The following BABAM2 variants were observed in gnomAD, a reference collection of about 807,000 sequenced individuals.
The protein encoded by BABAM2 is BRISC and BRCA1 A complex member 2, also known as BRISC and BRCA1-A complex member 2.
A neutral mutation model predicts 54.7 loss-of-function variants in BABAM2; 31 were observed. The observed-to-expected ratio is 0.57, with a 90% confidence interval of 0.43 to 0.77. BABAM2 has a LOEUF of 0.77. Ranked by LOEUF, BABAM2 falls within the 30% of genes least tolerant of loss-of-function variation. The probability of loss-of-function intolerance (pLI) is 0.00; values close to 1 mark genes in which losing one functional copy is unlikely to be tolerated. For missense variants in BABAM2, 364 were observed against 455.8 expected, an observed-to-expected ratio of 0.80 and a Z score of 1.83; for synonymous variants, 167 against 162.9, an observed-to-expected ratio of 1.03 and a Z score of -0.19.
chr2:28,210,150 G>GAAA (rs1023495623), intron 7 of BABAM2, among the ~76,000 whole-genome samples: 3 of 152,124 alleles, frequency 2.0e-5, no homozygotes, highest in Non-Finnish European at 4.4e-5. Flanking sequence ...TTGGCCTCTT[G>GAAA]AAAAAGAACA....
At chr2:28,175,956 A>G (rs1182940925) in intron 7 of BABAM2, among the ~76,000 whole-genome samples, 1 of 152,200 alleles carries the variant, frequency 6.6e-6, no homozygotes, top group Non-Finnish European at 1.5e-5. Flanking sequence ...AAGATCACAA[A>G]TACCACTGAC....
chr2:28,264,578 G>A (rs1411310754), intron 10 of BABAM2, among the ~76,000 whole-genome samples: 1 of 152,116 alleles, frequency 6.6e-6, no homozygotes, highest in African/African-American at 2.4e-5. Flanking sequence ...GAATGGAGTG[G>A]GCCAAAACCG....
At chr2:28,106,751 T>C (rs1667562392) in intron 6 of BABAM2, among the ~76,000 whole-genome samples, 1 of 152,220 alleles carries the variant, frequency 6.6e-6, no homozygotes, top group African/African-American at 2.4e-5. Flanking sequence ...TTGTCATTGG[T>C]ATTTTGGGAA....
At chr2:27,894,470 G>A in intron 1 of BABAM2, 63 bp from the exon 2 acceptor site, 1 of 1,492,974 alleles carries the variant, frequency 6.7e-7, no homozygotes, top group Non-Finnish European at 9.3e-7. Flanking sequence ...CCAGTTTTCA[G>A]GCAGAGTGTT....
chr2:28,207,032 T>C (rs550301557), intron 7 of BABAM2, among the ~76,000 whole-genome samples: 12 of 152,310 alleles, frequency 7.9e-5, no homozygotes, highest in Middle Eastern at 6.8e-3. Context: ...GTGAGGTAGG[T>C]ACTGTTACTA....
chr2:28,001,583 C>G (rs1374247527), intron 4 of BABAM2, among the ~76,000 whole-genome samples: 1 of 152,084 alleles, frequency 6.6e-6, no homozygotes, highest in African/African-American at 2.4e-5. Context: ...GTATGTAAGA[C>G]TGAGTAATTT....
chr2:28,326,834 C>G (rs2002406), intron 11 of BABAM2, among the ~76,000 whole-genome samples: 13,500 of 152,284 alleles, frequency 0.089, 670 homozygotes, highest in Middle Eastern at 0.19. Flanking sequence ...CATTAGGATA[C>G]GCAGTGTCAC....
intron 7 of BABAM2, among the ~76,000 whole-genome samples, chr2:28,146,370 A>G (rs1167041951): frequency 6.6e-6 from 1 of 152,198 alleles, no homozygotes; most frequent in African/African-American, 2.4e-5. Context: ...TGTGCATATT[A>G]GCATTTCCTA....
At chr2:28,039,124 C>T (rs1297212635) in intron 5 of BABAM2, among the ~76,000 whole-genome samples, 1 of 152,184 alleles carries the variant, frequency 6.6e-6, no homozygotes, top group Non-Finnish European at 1.5e-5. Context: ...GTCTCTTTTA[C>T]TCACTAGATG....
intron 6 of BABAM2, among the ~76,000 whole-genome samples, chr2:28,116,546 G>T (rs1316152168): frequency 6.6e-6 from 1 of 152,160 alleles, no homozygotes; most frequent in East Asian, 1.9e-4. Flanking sequence ...TAGGAACAAA[G>T]GTGTTATTAG....
intron 6 of BABAM2, among the ~76,000 whole-genome samples, chr2:28,062,044 G>T (rs1678916600): frequency 6.6e-6 from 1 of 152,112 alleles, no homozygotes; most frequent in South Asian, 2.1e-4. Context: ...GATCACCTGA[G>T]GTCAGGAGTT....
chr2:28,162,715 A>G (rs1412958124), intron 7 of BABAM2, among the ~76,000 whole-genome samples: 1 of 152,208 alleles, frequency 6.6e-6, no homozygotes, highest in Non-Finnish European at 1.5e-5. Flanking sequence ...TGAATATGAC[A>G]CTGCATTGGT....
intron 7 of BABAM2, among the ~76,000 whole-genome samples, chr2:28,212,945 A>G (rs1679607185): frequency 1.3e-5 from 2 of 152,294 alleles, no homozygotes; most frequent in Middle Eastern, 3.4e-3. Context: ...ATGGCTGGGT[A>G]CAGTGGCTCA....
intron 4 of BABAM2, among the ~76,000 whole-genome samples, chr2:27,994,071 C>A (rs1187065133): frequency 1.3e-5 from 2 of 152,156 alleles, no homozygotes; most frequent in East Asian, 3.8e-4. Context: ...TTTTTCAAAT[C>A]TCCATTTGGT....
rs138507727 is a variant in BABAM2 at position 28,057,530 on chromosome 2, T to C, written c.570+11731T>C. 6.3e-3 allele frequency among the ~76,000 whole-genome samples: 958 copies of C among 152,088 alleles called. 6 individuals carry two copies. The highest frequency in any genetic ancestry group is 7.9e-3 in the Non-Finnish European group (535 of 67,990). ...TTTAATCTGGAACTACTTTCCTCTATGGTAGAGTTTTCTTCACCCACATCT... is the reference window on the plus strand; with the variant it reads ...TTTAATCTGGAACTACTTTCCTCTACGGTAGAGTTTTCTTCACCCACATCT... On this transcript the variant is annotated intron_variant, in intron 6 of 11. Transcript: ENST00000379624.
chr2:28,325,280 G>A lies in BABAM2; in HGVS notation c.1089-13170G>A, dbSNP rs1182372872. Among the ~76,000 whole-genome samples, 1 of 152,192 alleles carries A rather than the reference G, an allele frequency of 6.6e-6. No individual in the cohort carries two copies. The highest frequency in any genetic ancestry group is 6.5e-5 in the Admixed American group (1 of 15,284). ...GCAGGGCTACCTGCTGTCAGCATGT[G>A]CAGGGCCCGAGCTGGTGCAGTGTGG... On this transcript the variant is annotated intron_variant, in intron 11 of 11. Coordinates refer to ENST00000379624, the MANE Select transcript of BABAM2 (RefSeq NM_199191.3). This position sits in a 1 kb window ranked among gnomAD's most constrained non-coding sequence, Gnocchi z 4.3.
chr2:28,183,376 G>C, intron 7 of BABAM2, among the ~76,000 whole-genome samples: 1 of 152,156 alleles, frequency 6.6e-6, no homozygotes, highest in Non-Finnish European at 1.5e-5. Context: ...GGGAGGCAGA[G>C]GTTGCAGTGA....
At chr2:28,283,410 A>T (rs1364891586) in intron 10 of BABAM2, among the ~76,000 whole-genome samples, 1 of 152,242 alleles carries the variant, frequency 6.6e-6, no homozygotes, top group Admixed American at 6.5e-5. Flanking sequence ...CTGTAAGTAC[A>T]CTTGTCAAAA....
chr2:28,206,750 A>G (rs1362983366), intron 7 of BABAM2, among the ~76,000 whole-genome samples: 1 of 152,236 alleles, frequency 6.6e-6, no homozygotes, highest in African/African-American at 2.4e-5. Context: ...AAATGGCAGC[A>G]CTAGGATTTG....
Sources: allele counts gnomAD v4.1 joint callset (sites outside exome capture counted in the v4.1 genomes callset), GRCh38; gene constraint gnomAD v4.1.1; non-coding constraint Gnocchi (gnomAD v3.1); transcripts MANE v1.5; gene names NCBI Gene and HGNC (gene_info 2026-07-23, HGNC 2026-07-21).